The following CNTN1 variants were observed in gnomAD, a reference collection of about 807,000 sequenced individuals.
CNTN1 encodes the protein contactin-1.
CNTN1 carries 38 observed loss-of-function variants against 126.4 expected under a neutral mutation model. The observed-to-expected ratio is 0.30, with a 90% CI of 0.23 to 0.39. The LOEUF is 0.39. Among genes scored for constraint, CNTN1 ranks in the 10% least tolerant of loss-of-function variants. CNTN1 has a pLI of 1.00. For missense variants in CNTN1, 1,009 were observed against 1,248.4 expected (o/e 0.81, Z 2.89); for synonymous variants, 413 against 422.6 (o/e 0.98, Z 0.28).
chr12:41,067,623 G>T (rs1245664671), intron 23 of CNTN1, among the ~76,000 whole-genome samples: 1 of 139,196 alleles, frequency 7.2e-6, no homozygotes, highest in African/African-American at 2.7e-5. Context: ...GTGGTGGGGT[G>T]GGGGAGGGGG....
At chr12:40,749,268 A>G (rs1938300680) in intron 1 of CNTN1, among the ~76,000 whole-genome samples, 1 of 152,132 alleles carries the variant, frequency 6.6e-6, no homozygotes, top group Admixed American at 6.6e-5. Context: ...TGGACCAGTC[A>G]TTGTAGCAAA....
At chr12:40,739,357 A>T (rs1047125048) in intron 1 of CNTN1, among the ~76,000 whole-genome samples, 1 of 152,106 alleles carries the variant, frequency 6.6e-6, no homozygotes, top group Non-Finnish European at 1.5e-5. Context: ...ATTTGAAGGC[A>T]TGCAAAACAA....
In CNTN1 at chr12:41,071,368, A is replaced by C. The variant is rs971005304; in HGVS notation, c.*1333A>C. 6.6e-6 allele frequency: 1 copy of C among 152,212 alleles called. No individual in the cohort carries two copies. The highest frequency in any genetic ancestry group is 1.5e-5 in the Non-Finnish European group (1 of 68,030). The allele number at this position is 152,212 out of a possible 1,614,324, so 9.4% of individuals were successfully genotyped here. On this transcript the variant is annotated 3_prime_UTR_variant, in exon 24 of 24. Coordinates refer to ENST00000551295, the MANE Select transcript of CNTN1 (RefSeq NM_001843.4). ...GTGGATGTAAAAGAAATCGAGTAAT[A>C]AAGAATTAGCTGGCTTGTGAAATAG... is the stretch of plus-strand genomic sequence containing the variant.
intron 23 of CNTN1, among the ~76,000 whole-genome samples, chr12:41,056,597 CT>C (rs1390917359): frequency 1.3e-5 from 2 of 152,044 alleles, no homozygotes; most frequent in Non-Finnish European, 2.9e-5. Flanking sequence ...ATTTCTAGCA[CT>C]CCAACTCCAA....
intron 1 of CNTN1, among the ~76,000 whole-genome samples, chr12:40,880,497 A>C (rs1452802588): frequency 6.6e-6 from 1 of 152,080 alleles, no homozygotes; most frequent in Non-Finnish European, 1.5e-5. Context: ...TTTCTGCTTA[A>C]ATGATATAGA....
intron 23 of CNTN1, among the ~76,000 whole-genome samples, chr12:41,039,831 G>A (rs959047635): frequency 6.6e-6 from 1 of 151,912 alleles, no homozygotes; most frequent in African/African-American, 2.4e-5. Context: ...ATTACTTCTA[G>A]TTAAAGAATA....
chr12:41,027,222 A>G (rs1300623657), intron 21 of CNTN1, among the ~76,000 whole-genome samples: 1 of 152,212 alleles, frequency 6.6e-6, no homozygotes. Flanking sequence ...ACATATGTCT[A>G]GAGGTTGAAA....
chr12:40,831,134 A>G (rs1025916562), intron 1 of CNTN1, among the ~76,000 whole-genome samples: 22 of 146,540 alleles, frequency 1.5e-4, no homozygotes, highest in Non-Finnish European at 2.8e-4. Flanking sequence ...GTAAATATCT[A>G]TAGTATATAT....
intron 1 of CNTN1, among the ~76,000 whole-genome samples, chr12:40,824,476 A>G (rs548717632): frequency 2.6e-4 from 39 of 152,300 alleles, no homozygotes; most frequent in African/African-American, 8.9e-4. Context: ...TAATAACTCT[A>G]TGAGGTTGAC....
chr12:40,736,455 A>C (rs1490908197), intron 1 of CNTN1, among the ~76,000 whole-genome samples: 1 of 152,112 alleles, frequency 6.6e-6, no homozygotes, highest in African/African-American at 2.4e-5. Flanking sequence ...AATCGCTAAC[A>C]TATTTCCCAA....
At chr12:40,803,802 C>T (rs911483402) in intron 1 of CNTN1, among the ~76,000 whole-genome samples, 3 of 150,722 alleles carry the variant, frequency 2.0e-5, no homozygotes, top group African/African-American at 4.9e-5. Flanking sequence ...GAGAAGGATA[C>T]AGGAAGGGAG....
chr12:40,825,645 AC>A (rs1941591250), intron 1 of CNTN1, among the ~76,000 whole-genome samples: 1 of 151,944 alleles, frequency 6.6e-6, no homozygotes, highest in African/African-American at 2.4e-5. Context: ...CTTTATTACG[AC>A]CTTGTCTTTG....
chr12:40,983,177 C>G (rs1454021156), intron 16 of CNTN1, among the ~76,000 whole-genome samples: 2 of 152,060 alleles, frequency 1.3e-5, no homozygotes, highest in Non-Finnish European at 2.9e-5. Context: ...CATTATATAT[C>G]TTTTCCAATT....
chr12:40,941,605 C>A (rs993335130), intron 12 of CNTN1, among the ~76,000 whole-genome samples: 4 of 151,904 alleles, frequency 2.6e-5, no homozygotes, highest in Admixed American at 2.6e-4. Context: ...AGCAGAATTT[C>A]TTTGTAATTA....
At chr12:40,896,208 C>T (rs1944409304) in intron 1 of CNTN1, 1 of 152,134 alleles carries the variant, frequency 6.6e-6, no homozygotes, top group South Asian at 2.1e-4. Context: ...CACATGCTTA[C>T]ACTTATGCAC....
At chr12:40,843,756 AAT>A (rs1942380283) in intron 1 of CNTN1, among the ~76,000 whole-genome samples, 1 of 152,206 alleles carries the variant, frequency 6.6e-6, no homozygotes, top group African/African-American at 2.4e-5. Flanking sequence ...GACCAAAAAG[AAT>A]ATGTCTGGTT....
chr12:40,922,266 A>G lies in CNTN1; in HGVS notation c.238A>G (p.Asn80Asp). The change falls in exon 5 of 24, where the codon AAT becomes GAT. Residue 80 changes from asparagine to aspartate, a missense_variant. Physicochemically the swap from Asn to Asp is conservative, Grantham distance 23. Transcript: ENST00000551295. ...SPFPVYKWRM[N>D]NGDVDLTSDR... ...GTCTTTTTCTCATAGATGGAGAATGAATAATGGGGACGTTGATCTCACAAG... is the reference window on the plus strand; with the variant it reads ...GTCTTTTTCTCATAGATGGAGAATGGATAATGGGGACGTTGATCTCACAAG... The G allele has an allele frequency of 6.2e-7, 1 of 1,613,880 alleles. No homozygotes were observed. Among genetic ancestry groups the G allele is most frequent in the Non-Finnish European group, 8.5e-7 (1 of 1,179,830 alleles).
intron 1 of CNTN1, among the ~76,000 whole-genome samples, chr12:40,725,258 G>C (rs1384949127): frequency 6.6e-6 from 1 of 151,916 alleles, no homozygotes; most frequent in Non-Finnish European, 1.5e-5. Flanking sequence ...AAAATTAGCA[G>C]GGTGTGGTGG....
intron 1 of CNTN1, among the ~76,000 whole-genome samples, chr12:40,706,012 C>A (rs147604491): frequency 1.3e-5 from 2 of 152,102 alleles, no homozygotes; most frequent in East Asian, 3.9e-4. Flanking sequence ...CATCTCCCAC[C>A]AGGCCACACC....
Sources: gnomAD v4.1 joint callset for allele counts (sites outside exome capture counted in the v4.1 genomes callset) on GRCh38, gnomAD v4.1.1 for gene constraint, MANE v1.5 for transcripts, NCBI Gene and HGNC (gene_info 2026-07-23, HGNC 2026-07-21) for gene names.